The following IGF1R variants were observed in gnomAD, a reference collection of about 807,000 sequenced individuals.
IGF1R encodes insulin-like growth factor 1 receptor.
A neutral mutation model predicts 144.6 loss-of-function variants in IGF1R; 44 were observed. The observed-to-expected ratio is 0.30, with a 90% CI of 0.24 to 0.39. The LOEUF (loss-of-function observed/expected upper bound fraction) is 0.39. Among genes scored for constraint, IGF1R ranks in the 10% least tolerant of loss-of-function variants. IGF1R has a pLI of 1.00. For synonymous variants in IGF1R, 795 were observed against 722.8 expected (o/e 1.10, Z -1.60); for missense variants, 1,355 against 1,833.7 (o/e 0.74, Z 4.77).
Position 98,707,760 on chromosome 15 carries a change from A to T in IGF1R, c.293A>T (p.Asp98Val), listed in dbSNP as rs1324200889. 1 of 1,613,882 alleles carries T rather than the reference A, an allele frequency of 6.2e-7. No homozygotes were observed. Residue 98 changes from aspartate (D) to valine (V), a missense_variant, in exon 2 of 21, where the codon GAC becomes GTC. Around this residue, in one of 7 missense-constraint regions of IGF1R, gnomAD observed 75 missense variants for 160.0 expected, o/e 0.47. Transcript: ENST00000650285. This position sits in a 1 kb window ranked among gnomAD's most constrained non-coding sequence, Gnocchi z 6.7. ...FRVAGLESLG[D>V]LFPNLTVIRG... ...GTGGCTGGCCTCGAGAGCCTCGGAG[A>T]CCTCTTCCCCAACCTCACGGTCATC...
chr15:98,798,674 G>A (rs1233099395), intron 2 of IGF1R, among the ~76,000 whole-genome samples: 1 of 152,126 alleles, frequency 6.6e-6, no homozygotes, highest in African/African-American at 2.4e-5. Flanking sequence ...GATGTCCAGT[G>A]AGGAGGATGA....
chr15:98,749,887 CTT>C (rs57470280), intron 2 of IGF1R, among the ~76,000 whole-genome samples: 75,807 of 138,058 alleles, frequency 0.55, 21,224 homozygotes, highest in Non-Finnish European at 0.65. Context: ...TATTTTTAGG[CTT>C]TTTTTTTTTT....
intron 2 of IGF1R, among the ~76,000 whole-genome samples, chr15:98,760,907 T>C (rs1305368025): frequency 2.0e-5 from 3 of 152,252 alleles, no homozygotes; most frequent in African/African-American, 7.2e-5. Context: ...TTCTTGGCCG[T>C]GTTGTTTGCT....
At chr15:98,898,613 ATTAT>A (rs2014320949) in intron 4 of IGF1R, among the ~76,000 whole-genome samples, 1 of 152,234 alleles carries the variant, frequency 6.6e-6, no homozygotes, top group Non-Finnish European at 1.5e-5. Context: ...TAGTACCCTT[ATTAT>A]TTTATTTGTA....
intron 1 of IGF1R, among the ~76,000 whole-genome samples, chr15:98,664,635 G>A (rs931381448): frequency 6.7e-6 from 1 of 149,338 alleles, no homozygotes; most frequent in African/African-American, 2.5e-5. Flanking sequence ...GGAGGTTGCA[G>A]TGAGCCAAGA....
intron 2 of IGF1R, among the ~76,000 whole-genome samples, chr15:98,858,084 T>C (rs1490882900): frequency 1.3e-5 from 2 of 152,170 alleles, no homozygotes; most frequent in Non-Finnish European, 2.9e-5. Flanking sequence ...TTAAGGAAAA[T>C]GATTAAGAGA....
chr15:98,805,044 T>A (rs8029098), intron 2 of IGF1R, among the ~76,000 whole-genome samples: 133,773 of 152,238 alleles, frequency 0.88, 60,107 homozygotes, highest in Middle Eastern at 0.98. Flanking sequence ...AGATAAGAAG[T>A]ACAGGATAAT....
intron 2 of IGF1R, among the ~76,000 whole-genome samples, chr15:98,745,432 T>C (rs74032572): frequency 0.014 from 2,149 of 152,328 alleles, 34 homozygotes; most frequent in African/African-American, 0.033. Context: ...AGAAAGCCGG[T>C]GGCCCAGTCA....
At chr15:98,862,015 A>C (rs1226020981) in intron 2 of IGF1R, among the ~76,000 whole-genome samples, 1 of 152,170 alleles carries the variant, frequency 6.6e-6, no homozygotes, top group African/African-American at 2.4e-5. Flanking sequence ...AAAGTAGATC[A>C]AGCTTTTCAG....
At chr15:98,944,211 C>T (rs572314865) in intron 19 of IGF1R, among the ~76,000 whole-genome samples, 9 of 152,148 alleles carry the variant, frequency 5.9e-5, no homozygotes, top group Non-Finnish European at 1.0e-4. Flanking sequence ...ACTATACAGC[C>T]GGGGAGAACA....
intron 2 of IGF1R, among the ~76,000 whole-genome samples, chr15:98,802,471 C>G (rs1474966290): frequency 6.6e-6 from 1 of 152,134 alleles, no homozygotes; most frequent in African/African-American, 2.4e-5. Context: ...AGTCTTGGCC[C>G]TGAGAGAACC....
intron 1 of IGF1R, among the ~76,000 whole-genome samples, chr15:98,699,439 T>C (rs2053672891): frequency 6.6e-6 from 1 of 152,200 alleles, no homozygotes; most frequent in African/African-American, 2.4e-5. Flanking sequence ...TTTTGAAATA[T>C]GGAGACCTAG....
chr15:98,693,512 C>T (rs1196023213), intron 1 of IGF1R, among the ~76,000 whole-genome samples: 1 of 152,202 alleles, frequency 6.6e-6, no homozygotes, highest in East Asian at 1.9e-4. Flanking sequence ...CTGGGGTTTT[C>T]TGCCTCCCTG....
intron 2 of IGF1R, among the ~76,000 whole-genome samples, chr15:98,854,473 A>T (rs750667210): frequency 8.7e-4 from 132 of 152,222 alleles, no homozygotes; most frequent in South Asian, 2.5e-3. Context: ...CTGTCTGGTA[A>T]ATCATCTCTC....
At chr15:98,877,917 G>C (rs1035191649) in intron 2 of IGF1R, among the ~76,000 whole-genome samples, 1 of 152,192 alleles carries the variant, frequency 6.6e-6, no homozygotes, top group Non-Finnish European at 1.5e-5. Flanking sequence ...AGTCGTTTAA[G>C]TTATGTTGAC....
In IGF1R at chr15:98,675,659, C is replaced by T. The variant is rs548896355; in HGVS notation, c.94+25984C>T. Among the ~76,000 whole-genome samples the T allele has an allele frequency of 3.3e-5, 5 of 152,108 alleles. No homozygotes were observed. The South Asian group carries it at 1.0e-3, about 32-fold the overall frequency. On this transcript the variant is annotated intron_variant, in intron 1 of 20. Coordinates refer to ENST00000650285, the MANE Select transcript of IGF1R (RefSeq NM_000875.5). ...ATCGGTTAATCATGCATATTGATTC[C>T]TTGTTTATCTTTTTCTTTTAATTCT...
chr15:98,758,675 G>A (rs913728473), intron 2 of IGF1R, among the ~76,000 whole-genome samples: 27 of 152,200 alleles, frequency 1.8e-4, no homozygotes, highest in African/African-American at 6.0e-4. Context: ...CAATGACCAT[G>A]GAGAACTGTA....
intron 2 of IGF1R, among the ~76,000 whole-genome samples, chr15:98,714,649 G>GA (rs202232475): frequency 0.079 from 10,467 of 132,996 alleles, 900 homozygotes; most frequent in African/African-American, 0.22. Context: ...TCCTGTCTGA[G>GA]AAAAAAAAAA....
intron 15 of IGF1R, among the ~76,000 whole-genome samples, chr15:98,933,505 G>C (rs966127016): frequency 6.6e-6 from 1 of 151,816 alleles, no homozygotes; most frequent in Non-Finnish European, 1.5e-5. Context: ...CATCACACCT[G>C]GCTAATTTTT....
Sources: allele counts gnomAD v4.1 joint callset (sites outside exome capture counted in the v4.1 genomes callset), GRCh38; gene constraint gnomAD v4.1.1; regional missense constraint gnomAD v4.1.1; non-coding constraint Gnocchi (gnomAD v3.1); transcripts MANE v1.5; gene names NCBI Gene and HGNC (gene_info 2026-07-23, HGNC 2026-07-21).